SCMH1: variants seen among roughly 807,000 people sequenced by gnomAD.
The protein encoded by SCMH1 is Scm polycomb group protein homolog 1.
SCMH1 carries 37 observed loss-of-function variants against 70.8 expected under a neutral mutation model. The ratio of observed to expected loss-of-function variants is 0.52; its 90% CI spans 0.40 to 0.69. The LOEUF (loss-of-function observed/expected upper bound fraction) is 0.69, where lower values mean the gene tolerates loss of function less well. SCMH1 is among the 30% of genes least tolerant of loss of function. The pLI is 0.00. For missense variants in SCMH1, 607 were observed against 827.3 expected (o/e 0.73, Z 3.27); for synonymous variants, 292 against 307.4 (o/e 0.95, Z 0.52).
chr1:41,074,482 A>C (rs1657570991), intron 9 of SCMH1, among the ~76,000 whole-genome samples: 1 of 151,920 alleles, frequency 6.6e-6, no homozygotes, highest in African/African-American at 2.4e-5. Flanking sequence ...TAGGTATTCA[A>C]TTTTTTTTAA....
chr1:41,052,609 G>C (rs987839136), intron 10 of SCMH1, among the ~76,000 whole-genome samples: 4 of 152,186 alleles, frequency 2.6e-5, no homozygotes, highest in African/African-American at 9.7e-5. Context: ...ATACGTGAGT[G>C]TATATTCATT....
At chr1:41,200,263 G>C (rs1484085459) in intron 1 of SCMH1, among the ~76,000 whole-genome samples, 1 of 151,954 alleles carries the variant, frequency 6.6e-6, no homozygotes, top group African/African-American at 2.4e-5. Context: ...GGATCACAAG[G>C]TCAGGAGATC....
chr1:41,058,849 G>C (rs61428473), intron 10 of SCMH1, among the ~76,000 whole-genome samples: 4,552 of 152,298 alleles, frequency 0.03, 216 homozygotes, highest in African/African-American at 0.1. Context: ...ACATCTCTGG[G>C]TTGGTGGAGG....
chr1:41,214,266 T>C (rs1177476032), intron 1 of SCMH1, among the ~76,000 whole-genome samples: 1 of 152,144 alleles, frequency 6.6e-6, no homozygotes, highest in Non-Finnish European at 1.5e-5. Context: ...TCCAAGAAAG[T>C]GACTCTATCT....
chr1:41,222,150 G>GAGGGA (rs1659425823), intron 1 of SCMH1, among the ~76,000 whole-genome samples: 4 of 151,758 alleles, frequency 2.6e-5, no homozygotes, highest in Admixed American at 2.6e-4. Context: ...AGCAGAAAGT[G>GAGGGA]AGGGAAGGGA....
intron 10 of SCMH1, among the ~76,000 whole-genome samples, chr1:41,067,458 C>CAAAAAAAAAAAAAAAAA (rs60607308): frequency 1.7e-5 from 1 of 60,248 alleles, no homozygotes; most frequent in Non-Finnish European, 3.0e-5. Flanking sequence ...ACAACAACAA[C>CAAAAAAAAAAAAAAAAA]AAAAAAAAAA....
chr1:41,144,389 T>C (rs1644367107), intron 5 of SCMH1, among the ~76,000 whole-genome samples: 1 of 152,222 alleles, frequency 6.6e-6, no homozygotes, highest in African/African-American at 2.4e-5. Flanking sequence ...TTCTTTCATT[T>C]AGCAAAATGG....
At chr1:41,197,812 A>C (rs887889947) in intron 1 of SCMH1, among the ~76,000 whole-genome samples, 1 of 152,214 alleles carries the variant, frequency 6.6e-6, no homozygotes. Context: ...ATCTTGAGCC[A>C]CAGAATTCCT....
chr1:41,237,871 G>A (rs1167352161), intron 1 of SCMH1, among the ~76,000 whole-genome samples: 1 of 152,066 alleles, frequency 6.6e-6, no homozygotes, highest in Non-Finnish European at 1.5e-5. Flanking sequence ...TATAACTTAG[G>A]TAAGCATGTA....
chr1:41,130,241 C>T (rs756287127), intron 6 of SCMH1, among the ~76,000 whole-genome samples: 5 of 152,068 alleles, frequency 3.3e-5, no homozygotes, highest in Non-Finnish European at 7.4e-5. Flanking sequence ...CCTTGAATAA[C>T]ACAGTTGCAG....
chr1:41,137,588 A>C (rs1005593771), intron 6 of SCMH1, among the ~76,000 whole-genome samples: 2 of 152,206 alleles, frequency 1.3e-5, no homozygotes, highest in Non-Finnish European at 2.9e-5. Context: ...CTTTCTAAGC[A>C]GCAGCATCCT....
rs1330612000 is a variant in SCMH1, at chr1:41,242,032, G to A, written c.-118+27C>T. ...CCCCTCAGGGCACGAGCTCTTAGGC[G>A]GGCGGAGGCGGCCGCGAGGCGCTTA... On this transcript the variant is annotated intron_variant, in intron 1 of 14. Coordinates refer to ENST00000337495, the Ensembl canonical transcript of SCMH1. The surrounding 1 kb of genome is among the most constrained non-coding windows in gnomAD (Gnocchi z 5.2). The A allele has an allele frequency of 6.6e-6, 1 of 152,466 alleles. No homozygotes were observed. The highest frequency in any genetic ancestry group is 1.5e-5 in the Non-Finnish European group (1 of 68,068). 9.4% of individuals were successfully genotyped at this position (152,466 alleles called of 1,614,324 possible). A position where few individuals can be genotyped will look rare whatever the true frequency, so the allele number is the denominator to read the frequency against.
intron 13 of SCMH1, among the ~76,000 whole-genome samples, chr1:41,032,535 C>T (rs966588589): frequency 6.6e-6 from 1 of 152,038 alleles, no homozygotes; most frequent in Non-Finnish European, 1.5e-5. Context: ...AACAGAGGAC[C>T]CTGTACACCA....
At position 41,036,954 on chromosome 1, in the gene SCMH1, C is replaced by T. The variant is rs141589154; in HGVS notation, c.1678+408G>A. On this transcript the variant is annotated intron_variant, in intron 13 of 14. Transcript: ENST00000337495. ...TCCTTCTTGTAATTTTCATATTACCCAAAGCATATGTCTGTCACTGCACTC... is the reference window on the plus strand; with the variant it reads ...TCCTTCTTGTAATTTTCATATTACCTAAAGCATATGTCTGTCACTGCACTC... 3.6e-3 allele frequency among the ~76,000 whole-genome samples: 552 copies of T among 152,108 alleles called. 28 individuals carry two copies. In the East Asian group the frequency reaches 0.096, roughly 27 times the overall value.
chr1:41,187,754 A>T (rs1276967337), intron 1 of SCMH1, among the ~76,000 whole-genome samples: 2 of 151,558 alleles, frequency 1.3e-5, no homozygotes, highest in South Asian at 2.1e-4. Flanking sequence ...TGGACAACAC[A>T]GTGAGACCCC....
At chr1:41,089,787 C>CTTTTTTTTGTTTTTTTTTTTTTTTTTTT (rs1662813911) in intron 8 of SCMH1, among the ~76,000 whole-genome samples, 1 of 58,756 alleles carries the variant, frequency 1.7e-5, no homozygotes, top group Non-Finnish European at 2.9e-5. Flanking sequence ...CATGTTGTCT[C>CTTTTTTTTGTTTTTTTTTTTTTTTTTTT]TTTTTTTTTT....
intron 6 of SCMH1, among the ~76,000 whole-genome samples, chr1:41,131,096 G>A (rs1279795361): frequency 2.0e-5 from 3 of 152,026 alleles, no homozygotes; most frequent in African/African-American, 7.3e-5. Flanking sequence ...TAGAGGTAGG[G>A]TCCAACTTCA....
chr1:41,060,898 G>T (rs981857471), intron 10 of SCMH1, among the ~76,000 whole-genome samples: 2 of 152,110 alleles, frequency 1.3e-5, no homozygotes, highest in Non-Finnish European at 2.9e-5. Flanking sequence ...TTGCTATGTT[G>T]TTGGCGACTC....
chr1:41,135,679 T>G (rs1367076867), intron 6 of SCMH1, among the ~76,000 whole-genome samples: 2 of 152,200 alleles, frequency 1.3e-5, no homozygotes, highest in East Asian at 1.9e-4. Context: ...AAGTTACAAT[T>G]AAATACAATT....
Sources: allele counts gnomAD v4.1 joint callset (sites outside exome capture counted in the v4.1 genomes callset), GRCh38; gene constraint gnomAD v4.1.1; non-coding constraint Gnocchi (gnomAD v3.1); transcripts MANE v1.5; gene names NCBI Gene and HGNC (gene_info 2026-07-23, HGNC 2026-07-21).